The following CYYR1 variants were observed in gnomAD, a reference collection of about 807,000 sequenced individuals.
The protein encoded by CYYR1 is cysteine and tyrosine-rich protein 1.
Under a neutral mutation model 15.2 loss-of-function variants are expected in CYYR1, and 14 were observed. The observed-to-expected ratio is 0.92, with a 90% CI of 0.61 to 1.44. The LOEUF is 1.44. Ranked by LOEUF, CYYR1 falls within the 40% of genes most tolerant of loss-of-function variation. The pLI, the probability that CYYR1 is intolerant of heterozygous loss-of-function variation, is 0.00. For synonymous variants in CYYR1, 80 were observed against 77.4 expected (o/e 1.03, Z -0.18); for missense variants, 228 against 209.5 (o/e 1.09, Z -0.54).
At chr21:26,488,882 T>A (rs2065288817) in intron 2 of CYYR1, among the ~76,000 whole-genome samples, 1 of 152,132 alleles carries the variant, frequency 6.6e-6, no homozygotes, top group South Asian at 2.1e-4. Context: ...CCCATTTCCT[T>A]TGCACGAGAA....
rs1157180601 is a variant in CYYR1, at chr21:26,468,526, G to A, written c.443C>T (p.Pro148Leu). ...QGPAQRSPPP[P>L]YPGNARK is the part of the protein sequence containing the mutation. ...TTATTTCCTTGCGTTTCCAGGATAA[G>A]GAGGGGGTGGAGAACGCTGTGCTGG... The change falls in exon 4 of 4, where the codon CCT becomes CTT. Residue 148 changes from proline to leucine, a missense_variant. Coordinates refer to ENST00000652641, the MANE Select transcript of CYYR1 (RefSeq NM_001320768.2). 1.9e-6 allele frequency: 3 copies of A among 1,600,892 alleles called. No homozygotes were observed. Among genetic ancestry groups the A allele is most frequent in the African/African-American group, 1.3e-5 (1 of 74,776 alleles).
intron 2 of CYYR1, among the ~76,000 whole-genome samples, chr21:26,499,917 C>G (rs1458762081): frequency 6.6e-6 from 1 of 150,576 alleles, no homozygotes; most frequent in Non-Finnish European, 1.5e-5. Flanking sequence ...GAAATTTATA[C>G]CCTACCCAAA....
intron 2 of CYYR1, chr21:26,564,746 A>G: frequency 2.5e-6 from 3 of 1,223,432 alleles, no homozygotes; most frequent in Non-Finnish European, 3.2e-6. Context: ...GCTAGGAGCC[A>G]GATGACCAAA....
At chr21:26,564,894 A>T in intron 2 of CYYR1, 1 of 946,950 alleles carries the variant, frequency 1.1e-6, no homozygotes, top group Non-Finnish European at 1.4e-6. Flanking sequence ...GTTACTTTAA[A>T]TACTGCGAAG....
At position 26,540,933 on chromosome 21, in the gene CYYR1, A is replaced by C. The variant is rs8130972; in HGVS notation, c.176+25333T>G. On this transcript the variant is annotated intron_variant, in intron 2 of 3. Transcript: ENST00000652641. ...ATGGATATACAGAAAATCTCAGCAG[A>C]GAGATTGCAACTTTAAAAAAGAACC... 6.9e-3 allele frequency among the ~76,000 whole-genome samples: 1,056 copies of C among 152,320 alleles called. 12 individuals are homozygous for C. The highest frequency in any genetic ancestry group is 0.024 in the African/African-American group (989 of 41,570).
intron 3 of CYYR1, 47 bp downstream of exon 3, chr21:26,480,225 G>C: frequency 6.4e-7 from 1 of 1,552,474 alleles, no homozygotes; most frequent in Non-Finnish European, 8.7e-7. Context: ...GAGGAGCAGA[G>C]GATAACTAGC....
intron 2 of CYYR1, among the ~76,000 whole-genome samples, chr21:26,523,973 G>C (rs1394619585): frequency 6.6e-6 from 1 of 152,138 alleles, no homozygotes; most frequent in Non-Finnish European, 1.5e-5. Flanking sequence ...GTGGCTCAAT[G>C]AATGAGCTTT....
intron 2 of CYYR1, among the ~76,000 whole-genome samples, chr21:26,546,894 C>T (rs1979013374): frequency 1.3e-5 from 2 of 152,146 alleles, no homozygotes; most frequent in African/African-American, 4.8e-5. Context: ...TGGCTCGACG[C>T]TGCTTCAGAG....
At chr21:26,522,148 G>A (rs2065810890) in intron 2 of CYYR1, among the ~76,000 whole-genome samples, 1 of 152,194 alleles carries the variant, frequency 6.6e-6, no homozygotes, top group African/African-American at 2.4e-5. Flanking sequence ...ACTTCCACTA[G>A]GAGGTTAATG....
At chr21:26,563,105 C>G (rs927845295) in intron 2 of CYYR1, among the ~76,000 whole-genome samples, 1 of 151,976 alleles carries the variant, frequency 6.6e-6, no homozygotes, top group African/African-American at 2.4e-5. Flanking sequence ...TATACTAAAG[C>G]CAGTATCTGT....
chr21:26,540,015 C>T (rs1978436010), intron 2 of CYYR1, among the ~76,000 whole-genome samples: 1 of 152,116 alleles, frequency 6.6e-6, no homozygotes, highest in Non-Finnish European at 1.5e-5. Context: ...TAAGGAAGGC[C>T]TCTTTTTTGT....
Position 26,481,939 on chromosome 21 carries a change from A to C in CYYR1, c.177-1510T>G, listed in dbSNP as rs143962504. On this transcript the variant is annotated intron_variant, in intron 2 of 3. Coordinates refer to ENST00000652641, the MANE Select transcript of CYYR1 (RefSeq NM_001320768.2). Reference sequence around the variant, plus strand: ...ATCAAGTTTTTTATTATCTACAGTGATGATCTTGTAAATGTGAAAAATAAA... The same window carrying C: ...ATCAAGTTTTTTATTATCTACAGTGCTGATCTTGTAAATGTGAAAAATAAA... Among the ~76,000 whole-genome samples the C allele has an allele frequency of 7.2e-5, 11 of 152,226 alleles. No homozygotes were observed. The East Asian group carries it at 2.1e-3, about 29-fold the overall frequency.
In CYYR1 at chr21:26,467,363, T is replaced by C. The variant is rs199978555; in HGVS notation, c.*1138A>G. ...GTAAAAGGCAACAATTTGATGTCAG[T>C]ATCTTAATTGTGTCATTAACTTTTT... On this transcript the variant is annotated 3_prime_UTR_variant, in exon 4 of 4. Coordinates refer to ENST00000652641, the MANE Select transcript of CYYR1 (RefSeq NM_001320768.2). 1 of 150,170 alleles carries C rather than the reference T, an allele frequency of 6.7e-6. No homozygotes were observed. The highest frequency in any genetic ancestry group is 1.5e-5 in the Non-Finnish European group (1 of 67,874). The allele number at this position is 150,170 out of a possible 1,614,324, so 9.3% of individuals were successfully genotyped here. A position where few individuals can be genotyped will look rare whatever the true frequency, so the allele number is the denominator to read the frequency against.
chr21:26,511,536 C>T (rs999294455), intron 2 of CYYR1, among the ~76,000 whole-genome samples: 1 of 152,192 alleles, frequency 6.6e-6, no homozygotes, highest in African/African-American at 2.4e-5. Context: ...CTTTGTACAA[C>T]AGAAGTTCAC....
intron 2 of CYYR1, among the ~76,000 whole-genome samples, chr21:26,533,444 C>T (rs1182969842): frequency 6.6e-6 from 1 of 151,964 alleles, no homozygotes; most frequent in East Asian, 1.9e-4. Context: ...GATCTGAGAA[C>T]AAAGAACACT....
rs563011499 is a variant in CYYR1 at position 26,526,153 on chromosome 21, G to A, written c.176+40113C>T. 2.0e-5 allele frequency among the ~76,000 whole-genome samples: 3 copies of A among 152,192 alleles called. No individual in the cohort carries two copies. The East Asian group carries it at 5.8e-4, about 29-fold the overall frequency. ...GTAACAAACCTAAACATGTACCCCT[G>A]AGCTTAAAAGTTAAGCTGGAGTGGT... On this transcript the variant is annotated intron_variant, in intron 2 of 3. Coordinates refer to ENST00000652641, the MANE Select transcript of CYYR1 (RefSeq NM_001320768.2).
At chr21:26,503,207 A>T (rs2065505318) in intron 2 of CYYR1, among the ~76,000 whole-genome samples, 1 of 152,210 alleles carries the variant, frequency 6.6e-6, no homozygotes, top group Admixed American at 6.5e-5. Flanking sequence ...TTTATGTAGG[A>T]CATTAGTGAG....
chr21:26,497,705 C>T (rs374735966), intron 2 of CYYR1, among the ~76,000 whole-genome samples: 19 of 152,258 alleles, frequency 1.2e-4, no homozygotes, highest in African/African-American at 4.6e-4. Context: ...TAGAAGGAGT[C>T]ATACACACTG....
At chr21:26,522,568 AT>A (rs1175922898) in intron 2 of CYYR1, among the ~76,000 whole-genome samples, 1 of 152,130 alleles carries the variant, frequency 6.6e-6, no homozygotes, top group East Asian at 1.9e-4. Context: ...AAAATATTTT[AT>A]TTTACCAATT....
Sources: gnomAD v4.1 joint callset for allele counts (sites outside exome capture counted in the v4.1 genomes callset) on GRCh38, gnomAD v4.1.1 for gene constraint, MANE v1.5 for transcripts, NCBI Gene and HGNC (gene_info 2026-07-23, HGNC 2026-07-21) for gene names.